ACKR2: variants seen among roughly 807,000 people sequenced by gnomAD.
ACKR2 encodes atypical chemokine receptor 2.
For synonymous variants in ACKR2, 207 were observed against 192.2 expected (o/e 1.08, Z -0.64); for missense variants, 457 against 477.3 (o/e 0.96, Z 0.40).
At chr3:42,834,119 C>G (rs1050757947) in intron 2 of ACKR2, among the ~76,000 whole-genome samples, 1 of 152,082 alleles carries the variant, frequency 6.6e-6, no homozygotes, top group Non-Finnish European at 1.5e-5. Flanking sequence ...CCTCCACGCC[C>G]GGCTAATTTT....
intron 2 of ACKR2, among the ~76,000 whole-genome samples, chr3:42,821,242 C>T (rs781452243): frequency 1.3e-5 from 2 of 152,106 alleles, no homozygotes; most frequent in Non-Finnish European, 2.9e-5. Flanking sequence ...TTGCTTTTAC[C>T]GTTAATTCAG....
chr3:42,837,904 T>C (rs1701000938), intron 2 of ACKR2, among the ~76,000 whole-genome samples: 1 of 152,224 alleles, frequency 6.6e-6, no homozygotes. Flanking sequence ...TTAGCAGAAA[T>C]CCTTAACATT....
intron 2 of ACKR2, among the ~76,000 whole-genome samples, chr3:42,839,923 G>A (rs1347052879): frequency 1.3e-5 from 2 of 152,110 alleles, no homozygotes. Context: ...TCTGATAGTC[G>A]CAGCTAATTT....
intron 2 of ACKR2, among the ~76,000 whole-genome samples, chr3:42,836,254 A>G (rs1700986824): frequency 6.6e-6 from 1 of 152,160 alleles, no homozygotes; most frequent in African/African-American, 2.4e-5. Context: ...ACTAAATAAA[A>G]CTTTGTAATA....
intron 1 of ACKR2, among the ~76,000 whole-genome samples, chr3:42,814,694 C>T (rs890966039): frequency 6.6e-6 from 1 of 152,102 alleles, no homozygotes; most frequent in Non-Finnish European, 1.5e-5. Context: ...GTACATTGTG[C>T]CAAGTACCTG....
intron 1 of ACKR2, among the ~76,000 whole-genome samples, chr3:42,817,273 C>G (rs948328980): frequency 3.3e-5 from 5 of 152,166 alleles, no homozygotes; most frequent in African/African-American, 1.2e-4. Flanking sequence ...AGTCACTTTT[C>G]TTTTTTAGAC....
intron 2 of ACKR2, among the ~76,000 whole-genome samples, chr3:42,861,461 T>C (rs905874530): frequency 2.0e-5 from 3 of 152,158 alleles, no homozygotes; most frequent in Non-Finnish European, 4.4e-5. Flanking sequence ...CCATTCCTTG[T>C]GAAACTATTC....
Position 42,864,972 on chromosome 3 carries a change from C to T in ACKR2, c.470C>T (p.Thr157Ile). 2 of 1,614,134 alleles carry T rather than the reference C, an allele frequency of 1.2e-6. No homozygotes were observed. The highest frequency in any genetic ancestry group is 1.6e-4 in the Middle Eastern group (1 of 6,062). ...VHAQPYHRLR[T>I]RAKSLLLATI... The stretch of plus-strand genomic sequence containing the variant: ...GCTCAGCCCTACCACAGGCTGAGGA[C>T]CCGGGCCAAGAGCCTGCTCCTTGCT... The change falls in exon 3 of 3, where the codon ACC becomes ATC. Residue 157 changes from threonine (T) to isoleucine (I), a missense_variant. Physicochemically the swap from Thr to Ile is moderately conservative, Grantham distance 89. Transcript: ENST00000422265.
intron 2 of ACKR2, among the ~76,000 whole-genome samples, chr3:42,830,148 TCTC>T (rs963844244): frequency 4.1e-4 from 63 of 152,312 alleles, no homozygotes; most frequent in African/African-American, 1.4e-3. Flanking sequence ...TCCCAAGGCC[TCTC>T]CTCCTCCAAT....
chr3:42,865,630 G>A lies in ACKR2; in HGVS notation c.1128G>A (p.Lys376=). Residue 376 remains lysine (K), a synonymous_variant, in exon 3 of 3, where the codon AAG becomes AAA. Transcript: ENST00000422265. The part of the protein sequence containing the change: ...GERQSENYPN[K]EDVGNKSA ...GGCAGTCTGAGAACTACCCTAACAA[G>A]GAGGATGTGGGGAATAAATCAGCCT... 1 of 1,612,056 alleles carries A rather than the reference G, an allele frequency of 6.2e-7. No homozygotes were observed. The highest frequency in any genetic ancestry group is 8.5e-7 in the Non-Finnish European group (1 of 1,178,880).
chr3:42,818,837 C>G (rs956801831), intron 1 of ACKR2, among the ~76,000 whole-genome samples: 2 of 152,196 alleles, frequency 1.3e-5, no homozygotes, highest in African/African-American at 4.8e-5. Context: ...GTTGGGATTA[C>G]AGATGTGAGC....
intron 2 of ACKR2, chr3:42,839,197 GC>G (rs1343907523): frequency 6.6e-6 from 1 of 151,970 alleles, no homozygotes; most frequent in Non-Finnish European, 1.5e-5. Context: ...CCTGCCCTCT[GC>G]CCAGCCACTA....
intron 2 of ACKR2, among the ~76,000 whole-genome samples, chr3:42,850,755 C>T (rs1006165936): frequency 6.6e-6 from 1 of 152,156 alleles, no homozygotes; most frequent in South Asian, 2.1e-4. Context: ...TATGGTCCTT[C>T]CCCTGAGAGC....
At chr3:42,848,212 AATTTTTT>A (rs1701117822) in intron 2 of ACKR2, among the ~76,000 whole-genome samples, 1 of 135,052 alleles carries the variant, frequency 7.4e-6, no homozygotes, top group Non-Finnish European at 1.6e-5. Context: ...AAAAAAAAAA[AATTTTTT>A]TTTTTTTTTT....
At position 42,865,295 on chromosome 3, in the gene ACKR2, C is replaced by A. The variant is rs1309838563; in HGVS notation, c.793C>A (p.Pro265Thr). The change falls in exon 3 of 3, where the codon CCA becomes ACA. Residue 265 changes from proline to threonine, a missense_variant. Transcript: ENST00000422265. Reference sequence around the variant, plus strand: ...GGTGGCCTTCTTCGTGCTATGGTTCCCATACAATCTCACCTTGTTTCTGCA... The same window carrying A: ...GGTGGCCTTCTTCGTGCTATGGTTCACATACAATCTCACCTTGTTTCTGCA... Reference protein sequence around the residue: ...LVVAFFVLWFPYNLTLFLHTL... With the variant: ...LVVAFFVLWFTYNLTLFLHTL... 1 of 1,614,200 alleles carries A rather than the reference C, an allele frequency of 6.2e-7. No individual in the cohort carries two copies. Among genetic ancestry groups the A allele is most frequent in the African/African-American group, 1.3e-5 (1 of 75,030 alleles).
At chr3:42,810,872 C>T (rs144801931) in intron 1 of ACKR2, among the ~76,000 whole-genome samples, 3 of 152,234 alleles carry the variant, frequency 2.0e-5, no homozygotes, top group Admixed American at 6.5e-5. Context: ...TTCCTCATTC[C>T]TTTTTTGAGA....
intron 2 of ACKR2, among the ~76,000 whole-genome samples, chr3:42,860,163 G>GAAAAAAAAAAAAAAAA (rs2088367013): frequency 2.0e-4 from 1 of 4,928 alleles, no homozygotes; most frequent in African/African-American, 7.1e-4. Flanking sequence ...CAAATGGAAA[G>GAAAAAAAAAAAAAAAA]CAAAAAAAAA....
At chr3:42,813,883 C>T (rs980627119) in intron 1 of ACKR2, among the ~76,000 whole-genome samples, 4 of 152,114 alleles carry the variant, frequency 2.6e-5, no homozygotes, top group African/African-American at 7.2e-5. Flanking sequence ...TTTAAGTTTT[C>T]GCAGTATCAT....
chr3:42,832,242 A>C (rs1700938360), intron 2 of ACKR2, among the ~76,000 whole-genome samples: 1 of 152,108 alleles, frequency 6.6e-6, no homozygotes, highest in South Asian at 2.1e-4. Context: ...TAATCCCAGC[A>C]CTTTGGGAGG....
Sources: allele counts gnomAD v4.1 joint callset (sites outside exome capture counted in the v4.1 genomes callset), GRCh38; gene constraint gnomAD v4.1.1; transcripts MANE v1.5; gene names NCBI Gene and HGNC (gene_info 2026-07-23, HGNC 2026-07-21).